The following MTUS1 variants were observed in gnomAD, a reference collection of about 807,000 sequenced individuals.
MTUS1 encodes the protein microtubule associated scaffold protein 1.
MTUS1 carries 109 observed loss-of-function variants against 120.8 expected under a neutral mutation model. The observed-to-expected ratio is 0.90, with a 90% CI of 0.77 to 1.06. The LOEUF (loss-of-function observed/expected upper bound fraction) is 1.06, where lower values mean the gene tolerates loss of function less well. Among genes scored for constraint, MTUS1 ranks in the 50% least tolerant of loss-of-function variants. MTUS1 has a pLI of 0.00. For missense variants in MTUS1, 2,210 were observed against 1,486.3 expected (o/e 1.49, Z -8.01); for synonymous variants, 737 against 550.5 (o/e 1.34, Z -4.74).
chr8:17,649,709 G>T (rs1239819066), intron 13 of MTUS1, 137 bp downstream of exon 13: 1 of 639,204 alleles, frequency 1.6e-6, no homozygotes, highest in East Asian at 2.6e-5. Flanking sequence ...GAAAGAAAAT[G>T]TGAACTTTAT....
At chr8:17,767,187 G>T (rs544762969) in intron 1 of MTUS1, among the ~76,000 whole-genome samples, 885 of 20,350 alleles carry the variant, frequency 0.043, 16 homozygotes, top group African/African-American at 0.12. Context: ...CATCCTCAGG[G>T]TAAAAAAAAA....
At chr8:17,770,836 C>A (rs532892443) in intron 1 of MTUS1, among the ~76,000 whole-genome samples, 44 of 152,220 alleles carry the variant, frequency 2.9e-4, no homozygotes, top group African/African-American at 1.0e-3. Context: ...TGTAAACAAA[C>A]AAAAACATGA....
chr8:17,800,277 C>T (rs1335429565), intron 1 of MTUS1, among the ~76,000 whole-genome samples: 1 of 152,164 alleles, frequency 6.6e-6, no homozygotes, highest in Non-Finnish European at 1.5e-5. Flanking sequence ...TGATGATTGA[C>T]TTTCGATCAC....
At chr8:17,646,461 G>A (rs1458432311) in intron 14 of MTUS1, among the ~76,000 whole-genome samples, 1 of 152,118 alleles carries the variant, frequency 6.6e-6, no homozygotes, top group African/African-American at 2.4e-5. Context: ...GGTGACATGT[G>A]CCTGTAGTCC....
At chr8:17,744,689 C>CT (rs58283163) in intron 2 of MTUS1, among the ~76,000 whole-genome samples, 7,228 of 98,978 alleles carry the variant, frequency 0.073, 264 homozygotes, top group Admixed American at 0.12. Flanking sequence ...ACCATGTTTT[C>CT]TTTTTTTTTT....
At chr8:17,652,846 AAAG>A (rs1363192173) in intron 12 of MTUS1, among the ~76,000 whole-genome samples, 2 of 151,886 alleles carry the variant, frequency 1.3e-5, no homozygotes, top group South Asian at 2.1e-4. Flanking sequence ...AAAAAAAAAA[AAAG>A]AAAGAGTGAA....
chr8:17,706,996 G>A (rs984186937), intron 6 of MTUS1, among the ~76,000 whole-genome samples: 1 of 152,146 alleles, frequency 6.6e-6, no homozygotes, highest in Admixed American at 6.5e-5. Flanking sequence ...GGAATATGAA[G>A]TTGGTCAACT....
In MTUS1 at chr8:17,754,695, G is replaced by C. The variant is rs760846250; in HGVS notation, c.1113C>G (p.Val371=). The C allele has an allele frequency of 4.3e-6, 7 of 1,614,194 alleles. No homozygotes were observed. Among genetic ancestry groups the C allele is most frequent in the Middle Eastern group, 3.3e-4 (2 of 6,062 alleles). The part of the protein sequence containing the change: ...EAQVLNPEHK[V]TETEDTQMVS... ...CCATTTGTGTGTCTTCAGTCTCAGT[G>C]ACTTTATGCTCTGGGTTCAGCACTT... The change falls in exon 2 of 15, where the codon GTC becomes GTG. Residue 371 remains valine (V), a synonymous_variant. Transcript: ENST00000693296.
At chr8:17,707,193 A>T (rs1367943747) in intron 6 of MTUS1, among the ~76,000 whole-genome samples, 1 of 152,246 alleles carries the variant, frequency 6.6e-6, no homozygotes, top group Admixed American at 6.5e-5. Context: ...CAGTCACAGA[A>T]TATCACAGTA....
At chr8:17,680,039 G>A (rs1412516840) in intron 7 of MTUS1, among the ~76,000 whole-genome samples, 2 of 152,184 alleles carry the variant, frequency 1.3e-5, no homozygotes. Flanking sequence ...TAAATTTCCT[G>A]TCTTAAAAAG....
rs557718239 is a variant in MTUS1 at position 17,648,860 on chromosome 8, C to T, written c.3501+986G>A. Among the ~76,000 whole-genome samples, 34 of 152,346 alleles carry T rather than the reference C, an allele frequency of 2.2e-4. No homozygotes were observed. The South Asian group carries it at 7.1e-3, about 32-fold the overall frequency. On this transcript the variant is annotated intron_variant, in intron 13 of 14. Coordinates refer to ENST00000693296, the MANE Select transcript of MTUS1 (RefSeq NM_001363059.2). ...CATGCGGCAGCTGGACAGTCAACAG[C>T]AAGGCACCGCGAGGGCGGGGATCAC...
chr8:17,670,016 G>A (rs1811692358), intron 8 of MTUS1, among the ~76,000 whole-genome samples: 1 of 152,202 alleles, frequency 6.6e-6, no homozygotes, highest in Non-Finnish European at 1.5e-5. Flanking sequence ...AACAGCAGCA[G>A]CCAGAATGCT....
intron 8 of MTUS1, among the ~76,000 whole-genome samples, chr8:17,672,023 G>T (rs1459668789): frequency 6.6e-6 from 1 of 152,142 alleles, no homozygotes; most frequent in African/African-American, 2.4e-5. Context: ...CATCCAACTA[G>T]GAGTGGATGG....
In MTUS1 at chr8:17,678,338, T is replaced by C. The variant is rs375829653; in HGVS notation, c.2839-3086A>G. Among the ~76,000 whole-genome samples, 97 of 151,864 alleles carry C rather than the reference T, an allele frequency of 6.4e-4. 3 individuals carry two copies. The highest frequency in any genetic ancestry group is 2.2e-3 in the African/African-American group (93 of 41,434). On this transcript the variant is annotated intron_variant, in intron 7 of 14. Coordinates refer to ENST00000693296, the MANE Select transcript of MTUS1 (RefSeq NM_001363059.2). ...GGTTGATTCAATTCTCTTTGTATTG[T>C]AACATGCAGAATTACACACAATGTG... is the stretch of plus-strand genomic sequence containing the variant.
chr8:17,798,662 T>G (rs1450420751), intron 1 of MTUS1, among the ~76,000 whole-genome samples: 2 of 152,168 alleles, frequency 1.3e-5, no homozygotes, highest in African/African-American at 4.8e-5. Flanking sequence ...TCTACCACAG[T>G]CACATATAGT....
intron 1 of MTUS1, among the ~76,000 whole-genome samples, chr8:17,767,033 T>A (rs2131416661): frequency 6.6e-6 from 1 of 152,208 alleles, no homozygotes; most frequent in East Asian, 1.9e-4. Flanking sequence ...CCATTTGCCA[T>A]CTTTTCCTGT....
At chr8:17,672,131 G>GT (rs1031066268) in intron 8 of MTUS1, among the ~76,000 whole-genome samples, 1 of 152,122 alleles carries the variant, frequency 6.6e-6, no homozygotes, top group Admixed American at 6.5e-5. Flanking sequence ...AGAGCCTGTC[G>GT]TTTGGGATTT....
chr8:17,650,340 C>A (rs1408219786), intron 12 of MTUS1, among the ~76,000 whole-genome samples: 3 of 152,132 alleles, frequency 2.0e-5, no homozygotes, highest in African/African-American at 7.2e-5. Context: ...TCCTACCAAA[C>A]AAACTGATCA....
intron 2 of MTUS1, among the ~76,000 whole-genome samples, chr8:17,751,559 T>C (rs1219657317): frequency 1.3e-5 from 1 of 77,144 alleles, no homozygotes; most frequent in Non-Finnish European, 3.9e-5. Flanking sequence ...GCTTCAGACA[T>C]GATCGTGAAA....
Sources: allele counts gnomAD v4.1 joint callset (sites outside exome capture counted in the v4.1 genomes callset), GRCh38; gene constraint gnomAD v4.1.1; transcripts MANE v1.5; gene names NCBI Gene and HGNC (gene_info 2026-07-23, HGNC 2026-07-21).